GALNT18: variants seen among roughly 807,000 people sequenced by gnomAD.
GALNT18 encodes polypeptide N-acetylgalactosaminyltransferase 18, also known as GalNAc-transferase 18.
A neutral mutation model predicts 69.5 loss-of-function variants in GALNT18; 44 were observed. The observed-to-expected ratio is 0.63, with a 90% CI of 0.50 to 0.81. GALNT18 has a LOEUF of 0.81. GALNT18 is among the 40% of genes least tolerant of loss of function. The pLI is 0.00. For missense variants in GALNT18, 715 were observed against 810.0 expected (o/e 0.88, Z 1.42); for synonymous variants, 364 against 318.2 (o/e 1.14, Z -1.53).
At position 11,432,841 on chromosome 11, in the gene GALNT18, G is replaced by T. The variant is rs1307114896; in HGVS notation, c.429-54C>A. On this transcript the variant is annotated intron_variant, in intron 2 of 10. Transcript: ENST00000227756. The surrounding 1 kb of genome is among the most constrained non-coding windows in gnomAD (Gnocchi z 5.8). ...TGTGACTCAGCTGGAGTCATCTCAG[G>T]AGCTGACCCAGCCCATGTCCTGGCT... 2.6e-6 allele frequency: 4 copies of T among 1,567,986 alleles called. No individual in the cohort carries two copies. The highest frequency in any genetic ancestry group is 3.5e-6 in the Non-Finnish European group (4 of 1,147,578).
At chr11:11,449,871 A>G (rs1041811530) in intron 1 of GALNT18, among the ~76,000 whole-genome samples, 2 of 152,256 alleles carry the variant, frequency 1.3e-5, no homozygotes, top group Admixed American at 1.3e-4. Context: ...AAGCATTTAG[A>G]TCAGTTTATG....
chr11:11,571,733 G>A (rs528349049), intron 1 of GALNT18, among the ~76,000 whole-genome samples: 5 of 152,230 alleles, frequency 3.3e-5, no homozygotes, highest in East Asian at 1.9e-4. Flanking sequence ...CCCATAACAC[G>A]TAATGAGGTT....
intron 6 of GALNT18, among the ~76,000 whole-genome samples, chr11:11,371,979 T>G (rs1850918097): frequency 6.6e-6 from 1 of 152,124 alleles, no homozygotes; most frequent in Admixed American, 6.5e-5. Context: ...GAATGGGCTG[T>G]GGGTCTGGCT....
Position 11,301,725 on chromosome 11 carries a change from G to A in GALNT18, c.1513-8532C>T, listed in dbSNP as rs192530543. ...GAACTCAGCCCATCAGTGAGGAGTC[G>A]ATCCCATTCAATTCAACAAACACCC... On this transcript the variant is annotated intron_variant, in intron 9 of 10. Transcript: ENST00000227756. 1.5e-4 allele frequency among the ~76,000 whole-genome samples: 23 copies of A among 152,270 alleles called. No individual in the cohort carries two copies. The East Asian group carries it at 2.1e-3, about 14-fold the overall frequency.
intron 9 of GALNT18, among the ~76,000 whole-genome samples, chr11:11,301,313 T>G (rs7112993): frequency 3.3e-5 from 5 of 151,922 alleles, no homozygotes; most frequent in East Asian, 3.9e-4. Flanking sequence ...AGAAATGGGC[T>G]CTTTTCCCTC....
intron 2 of GALNT18, among the ~76,000 whole-genome samples, chr11:11,446,195 C>T (rs900176576): frequency 1.3e-5 from 2 of 152,196 alleles, no homozygotes; most frequent in Non-Finnish European, 2.9e-5. Context: ...AAGAATCTAC[C>T]ATTGCCTGGC....
intron 2 of GALNT18, among the ~76,000 whole-genome samples, chr11:11,443,177 G>A (rs1415511019): frequency 3.3e-5 from 5 of 152,116 alleles, no homozygotes; most frequent in Admixed American, 2.0e-4. Flanking sequence ...TGCCTGGCCC[G>A]GCTGGGGTGA....
chr11:11,345,238 C>T (rs1850281847), intron 6 of GALNT18, among the ~76,000 whole-genome samples: 3 of 152,198 alleles, frequency 2.0e-5, no homozygotes, highest in Non-Finnish European at 4.4e-5. Context: ...GGGTTCTTGG[C>T]AGCATCTGGG....
chr11:11,515,088 A>G (rs967624288), intron 1 of GALNT18, among the ~76,000 whole-genome samples: 1 of 152,204 alleles, frequency 6.6e-6, no homozygotes, highest in Admixed American at 6.5e-5. Context: ...GCCACTTTCT[A>G]GCTGCGGGTC....
intron 10 of GALNT18, among the ~76,000 whole-genome samples, chr11:11,289,003 G>A (rs181171731): frequency 1.4e-4 from 22 of 152,274 alleles, no homozygotes; most frequent in Admixed American, 2.6e-4. Flanking sequence ...CCCAGTAAAA[G>A]CTCCTTTCAG....
intron 9 of GALNT18, among the ~76,000 whole-genome samples, chr11:11,310,970 T>C (rs1201243280): frequency 7.2e-5 from 11 of 152,208 alleles, no homozygotes; most frequent in Admixed American, 7.2e-4. Flanking sequence ...CGCCAGCCAT[T>C]CCCAAATCCC....
Position 11,540,036 on chromosome 11 carries a change from C to T in GALNT18, c.235+81323G>A, listed in dbSNP as rs1056269649. On this transcript the variant is annotated intron_variant, in intron 1 of 10. Transcript: ENST00000227756. The surrounding 1 kb of genome is among the most constrained non-coding windows in gnomAD (Gnocchi z 4.6). Reference sequence around the variant, plus strand: ...TGCACAGGGGACCCCGATGCCAGTCCGGCACTTGCAGCCTGGCCTCTGGGC... The same window carrying T: ...TGCACAGGGGACCCCGATGCCAGTCTGGCACTTGCAGCCTGGCCTCTGGGC... 6.6e-5 allele frequency among the ~76,000 whole-genome samples: 10 copies of T among 152,294 alleles called. No individual in the cohort carries two copies. In the East Asian group the frequency reaches 7.7e-4, roughly 12 times the overall value.
chr11:11,369,652 T>C (rs2133668523), intron 6 of GALNT18, among the ~76,000 whole-genome samples: 1 of 152,302 alleles, frequency 6.6e-6, no homozygotes, highest in Middle Eastern at 3.4e-3. Context: ...TTGCCAGCCC[T>C]TAAATGTTTT....
Position 11,546,316 on chromosome 11 carries a change from CCT to C in GALNT18, c.235+75041_235+75042del, listed in dbSNP as rs1858052484. On this transcript the variant is annotated intron_variant, in intron 1 of 10. Transcript: ENST00000227756. The surrounding 1 kb of genome is among the most constrained non-coding windows in gnomAD (Gnocchi z 5.8). ...CCAGGACCTGAGGCCATCGGGACTC[CCT>C]GTCTTATCCTCCCCATGCACTAGAT... Among the ~76,000 whole-genome samples the C allele has an allele frequency of 6.6e-6, 1 of 152,274 alleles. No individual in the cohort carries two copies. The highest frequency in any genetic ancestry group is 1.9e-4 in the East Asian group (1 of 5,178).
chr11:11,457,320 C>T (rs1855946296), intron 1 of GALNT18, among the ~76,000 whole-genome samples: 1 of 152,246 alleles, frequency 6.6e-6, no homozygotes, highest in Non-Finnish European at 1.5e-5. Context: ...CTGCAGATCC[C>T]CTTCTGCTGA....
intron 1 of GALNT18, among the ~76,000 whole-genome samples, chr11:11,512,554 C>T (rs1857185920): frequency 6.6e-6 from 1 of 152,226 alleles, no homozygotes. Context: ...CACAGGTACA[C>T]ACACATAGTT....
intron 1 of GALNT18, among the ~76,000 whole-genome samples, chr11:11,451,711 C>T (rs1287571190): frequency 6.6e-6 from 1 of 152,214 alleles, no homozygotes; most frequent in Non-Finnish European, 1.5e-5. Context: ...GCTCCTAGCA[C>T]AGTAACTGCT....
In GALNT18 at chr11:11,377,729, C is replaced by T. The variant is rs887577988; in HGVS notation, c.780-350G>A. On this transcript the variant is annotated intron_variant, in intron 4 of 10. Coordinates refer to ENST00000227756, the MANE Select transcript of GALNT18 (RefSeq NM_198516.3). The surrounding 1 kb of genome is among the most constrained non-coding windows in gnomAD (Gnocchi z 4.6). The stretch of plus-strand genomic sequence containing the variant: ...AAAGAAGAAAGAAACAGATCTGAGG[C>T]TCCAGAAAAAGCTTTCACCTTGGGC... Among the ~76,000 whole-genome samples, 14 of 152,028 alleles carry T rather than the reference C, an allele frequency of 9.2e-5. No individual in the cohort carries two copies. The highest frequency in any genetic ancestry group is 3.4e-4 in the African/African-American group (14 of 41,392).
At chr11:11,502,823 G>A (rs543834771) in intron 1 of GALNT18, among the ~76,000 whole-genome samples, 2 of 152,208 alleles carry the variant, frequency 1.3e-5, no homozygotes, top group South Asian at 2.1e-4. Flanking sequence ...ATAAATTCAC[G>A]GCTGAATTCC....
Sources: gnomAD v4.1 joint callset for allele counts (sites outside exome capture counted in the v4.1 genomes callset) on GRCh38, gnomAD v4.1.1 for gene constraint, Gnocchi (gnomAD v3.1) non-coding constraint, MANE v1.5 for transcripts, NCBI Gene and HGNC (gene_info 2026-07-23, HGNC 2026-07-21) for gene names.